The following GINS1 variants were observed in gnomAD, a reference collection of about 807,000 sequenced individuals.
GINS1 encodes DNA replication complex GINS protein PSF1.
A neutral mutation model predicts 34.9 loss-of-function variants in GINS1; 26 were observed. That is an observed-to-expected ratio of 0.74 (90% CI 0.55 to 1.03). GINS1 has a LOEUF of 1.03. GINS1 is among the 50% of genes least tolerant of loss of function. The pLI is 0.00. For missense variants in GINS1, 235 were observed against 237.9 expected (o/e 0.99, Z 0.08); for synonymous variants, 97 against 84.4 (o/e 1.15, Z -0.82).
At chr20:25,432,479 T>G (rs1168373576) in intron 5 of GINS1, among the ~76,000 whole-genome samples, 1 of 151,756 alleles carries the variant, frequency 6.6e-6, no homozygotes. Context: ...ATTTTCTTCT[T>G]TTTTTTAGAC....
intron 1 of GINS1, among the ~76,000 whole-genome samples, chr20:25,409,498 T>C (rs545269493): frequency 1.3e-5 from 2 of 151,990 alleles, no homozygotes; most frequent in Admixed American, 6.6e-5. Context: ...GAGGGAGGAA[T>C]TGGGATCTTG....
At chr20:25,414,901 A>G (rs2090310455) in intron 2 of GINS1, among the ~76,000 whole-genome samples, 1 of 152,190 alleles carries the variant, frequency 6.6e-6, no homozygotes, top group Non-Finnish European at 1.5e-5. Context: ...GTTTCAGTGT[A>G]GTAGGTCCAG....
At position 25,407,773 on chromosome 20, in the gene GINS1, C is replaced by G. The variant is rs974304393; in HGVS notation, c.-48C>G. Reference sequence around the variant, plus strand: ...GCCGAGAGCCCAGATACCATTTTGGCGTGAGAGCTGGTGGTTGGCAAGGCC... The same window carrying G: ...GCCGAGAGCCCAGATACCATTTTGGGGTGAGAGCTGGTGGTTGGCAAGGCC... On this transcript the variant is annotated 5_prime_UTR_variant, in exon 1 of 7. Transcript: ENST00000262460. 3.5e-6 allele frequency: 5 copies of G among 1,428,976 alleles called. No individual in the cohort carries two copies. The highest frequency in any genetic ancestry group is 4.9e-6 in the Non-Finnish European group (5 of 1,012,532). The allele number at this position is 1,428,976 out of a possible 1,614,324, so 88.5% of individuals were successfully genotyped here. A position where few individuals can be genotyped will look rare whatever the true frequency, so the allele number is the denominator to read the frequency against.
chr20:25,432,316 CT>C (rs956532896), intron 5 of GINS1, among the ~76,000 whole-genome samples: 205 of 144,900 alleles, frequency 1.4e-3, no homozygotes, highest in Middle Eastern at 3.5e-3. Context: ...TCCTTTCTTT[CT>C]TTTTTTTTTT....
At chr20:25,427,445 G>T (rs147027180) in intron 5 of GINS1, among the ~76,000 whole-genome samples, 1 of 151,964 alleles carries the variant, frequency 6.6e-6, no homozygotes, top group Admixed American at 6.6e-5. Flanking sequence ...TGATCCTCCC[G>T]CCTCAGCCTC....
At chr20:25,430,027 C>T (rs2090418322) in intron 5 of GINS1, among the ~76,000 whole-genome samples, 1 of 152,176 alleles carries the variant, frequency 6.6e-6, no homozygotes, top group Non-Finnish European at 1.5e-5. Context: ...ATTCTCCTGC[C>T]ACAGCCTCCT....
At chr20:25,432,055 T>C (rs2090429937) in intron 5 of GINS1, among the ~76,000 whole-genome samples, 1 of 151,846 alleles carries the variant, frequency 6.6e-6, no homozygotes, top group Non-Finnish European at 1.5e-5. Flanking sequence ...GTATTTTTAG[T>C]AGAGACGGGG....
chr20:25,429,671 T>C (rs1181598400), intron 5 of GINS1, among the ~76,000 whole-genome samples: 1 of 152,044 alleles, frequency 6.6e-6, no homozygotes, highest in Admixed American at 6.6e-5. Context: ...TGACTTTGCA[T>C]CCTGTTACTG....
Position 25,425,193 on chromosome 20 carries a change from T to C in GINS1, c.331-18T>C. On this transcript the variant is annotated intron_variant, in intron 4 of 6. Coordinates refer to ENST00000262460, the MANE Select transcript of GINS1 (RefSeq NM_021067.5). ...GTTTTCTTAGAATTTTGTCAAATGA[T>C]CATCTCTATGTTTGCAGATGGAGTG... 9.6e-7 allele frequency: 1 copy of C among 1,042,802 alleles called. No individual in the cohort carries two copies. Among genetic ancestry groups the C allele is most frequent in the Non-Finnish European group, 1.5e-6 (1 of 668,180 alleles). 64.6% of individuals were successfully genotyped at this position (1,042,802 alleles called of 1,614,324 possible).
At position 25,446,334 on chromosome 20, in the gene GINS1, C is replaced by T; in HGVS notation, c.*343C>T. On this transcript the variant is annotated 3_prime_UTR_variant, in exon 7 of 7. Transcript: ENST00000262460. ...ACAGGCGTGAGCCACTGCACCCGGC[C>T]CCTACTCCTTTTTCTAATAAGCTGT... 1 of 200,490 alleles carries T rather than the reference C, an allele frequency of 5.0e-6. No individual in the cohort carries two copies. The highest frequency in any genetic ancestry group is 1.0e-5 in the Non-Finnish European group (1 of 99,854). The allele number at this position is 200,490 out of a possible 1,614,324, so 12.4% of individuals were successfully genotyped here.
chr20:25,443,480 T>C (rs1015774497), intron 6 of GINS1, among the ~76,000 whole-genome samples: 47 of 149,552 alleles, frequency 3.1e-4, no homozygotes, highest in African/African-American at 9.8e-4. Context: ...GAATTTCTTT[T>C]TTTTTTTTTT....
At chr20:25,429,013 A>C (rs2090411728) in intron 5 of GINS1, among the ~76,000 whole-genome samples, 1 of 100,736 alleles carries the variant, frequency 9.9e-6, no homozygotes, top group African/African-American at 3.9e-5. Context: ...TTTTGAAACG[A>C]AGTCTTGCTC....
At chr20:25,423,452 C>CTTTTCTTTTTTTTTTTTTT (rs1568802527) in intron 4 of GINS1, among the ~76,000 whole-genome samples, 11 of 29,996 alleles carry the variant, frequency 3.7e-4, no homozygotes, top group East Asian at 4.7e-3. Context: ...TTTTTCTTTT[C>CTTTTCTTTTTTTTTTTTTT]TTTTTTTTTT....
In GINS1 at chr20:25,447,389, C is replaced by T. The variant is rs980626421; in HGVS notation, c.*1398C>T. The T allele has an allele frequency of 3.9e-5, 6 of 152,154 alleles. No individual in the cohort carries two copies. The highest frequency in any genetic ancestry group is 1.4e-4 in the African/African-American group (6 of 41,442). The allele number at this position is 152,154 out of a possible 1,614,324, so 9.4% of individuals were successfully genotyped here. ...ATGGTGCAAGGTGTCAATCCACCTT[C>T]ACTTTTTCTTGGGAATATAGATATC... On this transcript the variant is annotated 3_prime_UTR_variant, in exon 7 of 7. Coordinates refer to ENST00000262460, the MANE Select transcript of GINS1 (RefSeq NM_021067.5).
At chr20:25,424,351 G>A (rs902873446) in intron 4 of GINS1, among the ~76,000 whole-genome samples, 3 of 152,140 alleles carry the variant, frequency 2.0e-5, no homozygotes, top group African/African-American at 7.2e-5. Flanking sequence ...GATTGAGATT[G>A]AATTGAATCT....
At chr20:25,428,840 G>A (rs954480929) in intron 5 of GINS1, among the ~76,000 whole-genome samples, 1 of 151,872 alleles carries the variant, frequency 6.6e-6, no homozygotes, top group Admixed American at 6.6e-5. Flanking sequence ...CTGTACATCT[G>A]TCGTAAAAAA....
At chr20:25,442,610 AT>A (rs146610455) in intron 6 of GINS1, among the ~76,000 whole-genome samples, 226 of 123,970 alleles carry the variant, frequency 1.8e-3, no homozygotes, top group Middle Eastern at 4.5e-3. Context: ...TATTATTATT[AT>A]TTTTTTTTTT....
intron 5 of GINS1, among the ~76,000 whole-genome samples, chr20:25,433,632 A>G (rs1024546656): frequency 6.6e-6 from 1 of 152,178 alleles, no homozygotes; most frequent in African/African-American, 2.4e-5. Context: ...ACCTACAGAG[A>G]CAGAGGACCA....
At chr20:25,413,486 G>C (rs565611667) in intron 1 of GINS1, 148 of 291,448 alleles carry the variant, frequency 5.1e-4, no homozygotes, top group African/African-American at 2.9e-3. Context: ...GTTTTCTTGA[G>C]TATATATATA....
Sources: gnomAD v4.1 joint callset for allele counts (sites outside exome capture counted in the v4.1 genomes callset) on GRCh38, gnomAD v4.1.1 for gene constraint, MANE v1.5 for transcripts, NCBI Gene and HGNC (gene_info 2026-07-23, HGNC 2026-07-21) for gene names.